Variants in CSMD1 observed in about 807,000 individuals in gnomAD.
The protein encoded by CSMD1 is CUB and Sushi multiple domains 1.
Under a neutral mutation model 417.5 loss-of-function variants are expected in CSMD1, and 213 were observed. The observed-to-expected ratio is 0.51, with a 90% CI of 0.46 to 0.57. The LOEUF (loss-of-function observed/expected upper bound fraction) is 0.57. Among genes scored for constraint, CSMD1 ranks in the 20% least tolerant of loss-of-function variants. The probability of loss-of-function intolerance (pLI) is 0.00; values close to 1 mark genes in which losing one functional copy is unlikely to be tolerated. For synonymous variants in CSMD1, 2,862 were observed against 1,736.8 expected, an observed-to-expected ratio of 1.65 and a Z score of -16.11; for missense variants, 6,923 against 4,529.7, an observed-to-expected ratio of 1.53 and a Z score of -15.17.
chr8:3,302,228 G>A (rs533637195), intron 25 of CSMD1, among the ~76,000 whole-genome samples: 10 of 152,194 alleles, frequency 6.6e-5, no homozygotes, highest in Non-Finnish European at 1.5e-4. Context: ...GTTTGGATCA[G>A]CTTCCACCAT....
chr8:3,149,269 A>C (rs1819045464), intron 40 of CSMD1, among the ~76,000 whole-genome samples: 1 of 152,222 alleles, frequency 6.6e-6, no homozygotes, highest in Admixed American at 6.5e-5. Context: ...ACATTGGAAA[A>C]ATAAGTTAAG....
chr8:4,229,695 C>A (rs941689554), intron 3 of CSMD1, among the ~76,000 whole-genome samples: 1 of 152,130 alleles, frequency 6.6e-6, no homozygotes, highest in African/African-American at 2.4e-5. Flanking sequence ...TGATGTACAG[C>A]CTCAGCCCCT....
chr8:3,179,008 C>T lies in CSMD1; in HGVS notation c.5725+2102G>A, dbSNP rs545493472. 1.3e-3 allele frequency among the ~76,000 whole-genome samples: 194 copies of T among 148,872 alleles called. 3 individuals carry two copies. The highest frequency in any genetic ancestry group is 3.5e-3 in the Middle Eastern group (1 of 286). ...TGTCACCCAGGCTGGAGTGCAGTGG[C>T]GCGATCTTGGCTCACTGCAAGCTCT... On this transcript the variant is annotated intron_variant, in intron 37 of 69. Coordinates refer to ENST00000635120, the MANE Select transcript of CSMD1 (RefSeq NM_033225.6).
intron 2 of CSMD1, among the ~76,000 whole-genome samples, chr8:4,472,798 A>G (rs1800608963): frequency 6.6e-6 from 1 of 151,952 alleles, no homozygotes; most frequent in Admixed American, 6.6e-5. Context: ...AATATCATTG[A>G]TCTTAGATAC....
chr8:3,060,382 T>A (rs541957016), intron 49 of CSMD1, among the ~76,000 whole-genome samples: 5 of 151,326 alleles, frequency 3.3e-5, no homozygotes, highest in African/African-American at 1.2e-4. Context: ...CTGAACTCCT[T>A]GAACTCCTTG....
chr8:3,577,521 G>T (rs1260214754), intron 9 of CSMD1, among the ~76,000 whole-genome samples: 1 of 151,946 alleles, frequency 6.6e-6, no homozygotes, highest in Non-Finnish European at 1.5e-5. Context: ...AATGAATATT[G>T]GGAATATTCA....
intron 1 of CSMD1, among the ~76,000 whole-genome samples, chr8:4,749,686 G>A (rs953129487): frequency 1.3e-5 from 2 of 152,026 alleles, no homozygotes; most frequent in African/African-American, 4.8e-5. Context: ...AATTTACCAA[G>A]TTAGCAATTT....
At chr8:4,027,691 A>T (rs1240691226) in intron 4 of CSMD1, among the ~76,000 whole-genome samples, 4 of 152,188 alleles carry the variant, frequency 2.6e-5, no homozygotes, top group Non-Finnish European at 5.9e-5. Flanking sequence ...AATACAGATG[A>T]CAACTGACAT....
chr8:4,583,117 C>T (rs1035330046), intron 2 of CSMD1, among the ~76,000 whole-genome samples: 37 of 152,354 alleles, frequency 2.4e-4, no homozygotes, highest in African/African-American at 7.9e-4. Flanking sequence ...CCCACCCACT[C>T]CATGGGCTCC....
At chr8:4,397,771 C>T (rs1009883835) in intron 3 of CSMD1, among the ~76,000 whole-genome samples, 2 of 151,932 alleles carry the variant, frequency 1.3e-5, no homozygotes, top group African/African-American at 4.8e-5. Flanking sequence ...AGGGAAAAAC[C>T]TTAATACTGA....
intron 5 of CSMD1, among the ~76,000 whole-genome samples, chr8:3,950,620 GGAACGT>G (rs1811537792): frequency 1.3e-5 from 2 of 152,266 alleles, no homozygotes; most frequent in South Asian, 4.2e-4. Flanking sequence ...TGGCTCAGCA[GGAACGT>G]GTTTGATCTT....
intron 25 of CSMD1, among the ~76,000 whole-genome samples, chr8:3,300,553 C>G (rs1046520901): frequency 1.3e-5 from 2 of 152,224 alleles, no homozygotes; most frequent in Admixed American, 6.5e-5. Context: ...GATGCTCACA[C>G]CCTTTGACCC....
chr8:4,054,633 C>T (rs1307895514), intron 3 of CSMD1, among the ~76,000 whole-genome samples: 2 of 152,102 alleles, frequency 1.3e-5, no homozygotes, highest in Non-Finnish European at 2.9e-5. Flanking sequence ...GACTGTAAAA[C>T]ACATAGGTAA....
At chr8:3,586,393 T>C (rs1800603539) in intron 8 of CSMD1, 133 bp from the exon 9 acceptor site, 2 of 805,950 alleles carry the variant, frequency 2.5e-6, no homozygotes, top group Non-Finnish European at 3.8e-6. Flanking sequence ...AAGCAACTCA[T>C]TAGGTAGTAT....
intron 2 of CSMD1, among the ~76,000 whole-genome samples, chr8:4,621,500 C>T (rs1233699247): frequency 1.3e-5 from 2 of 151,962 alleles, no homozygotes. Flanking sequence ...AAATTGACAC[C>T]AGAAGAAAGA....
At chr8:4,155,328 C>T (rs1345489203) in intron 3 of CSMD1, among the ~76,000 whole-genome samples, 1 of 152,166 alleles carries the variant, frequency 6.6e-6, no homozygotes, top group Non-Finnish European at 1.5e-5. Context: ...ATTAGAGTCT[C>T]ACCTGCATGA....
intron 3 of CSMD1, among the ~76,000 whole-genome samples, chr8:4,091,522 G>A (rs1469342365): frequency 1.3e-5 from 2 of 152,120 alleles, no homozygotes; most frequent in Non-Finnish European, 2.9e-5. Flanking sequence ...AGATAATTAT[G>A]TTAAAGCTGG....
At chr8:4,319,437 T>C (rs1361378429) in intron 3 of CSMD1, among the ~76,000 whole-genome samples, 7 of 152,122 alleles carry the variant, frequency 4.6e-5, no homozygotes, top group Non-Finnish European at 8.8e-5. Context: ...CTACACTTCT[T>C]TCCAAAATCC....
At chr8:4,954,718 G>A (rs141727419) in intron 1 of CSMD1, among the ~76,000 whole-genome samples, 3 of 152,176 alleles carry the variant, frequency 2.0e-5, no homozygotes, top group Non-Finnish European at 4.4e-5. Context: ...TAAGCACCAT[G>A]GAAATATGCA....
Sources: allele counts gnomAD v4.1 joint callset (sites outside exome capture counted in the v4.1 genomes callset), GRCh38; gene constraint gnomAD v4.1.1; transcripts MANE v1.5; gene names NCBI Gene and HGNC (gene_info 2026-07-23, HGNC 2026-07-21).